Variants in TRAPPC3L observed in about 807,000 individuals in gnomAD.
TRAPPC3L encodes trafficking protein particle complex subunit 3L, also known as trafficking protein particle complex subunit 3-like protein.
A neutral mutation model predicts 23.7 loss-of-function variants in TRAPPC3L; 23 were observed. The observed-to-expected ratio is 0.97, with a 90% CI of 0.70 to 1.37. The LOEUF is 1.37. TRAPPC3L is among the 40% of genes most tolerant of loss of function. TRAPPC3L has a pLI of 0.00. For missense variants in TRAPPC3L, 212 were observed against 216.8 expected (o/e 0.98, Z 0.14); for synonymous variants, 81 against 77.9 (o/e 1.04, Z -0.21).
intron 3 of TRAPPC3L, chr6:116,523,906 G>A (rs896944214): frequency 6.6e-6 from 1 of 152,144 alleles, no homozygotes; most frequent in African/African-American, 2.4e-5. Context: ...GAATAAAGGA[G>A]ATATAAGTGA....
intron 2 of TRAPPC3L, among the ~76,000 whole-genome samples, chr6:116,542,627 A>G (rs1334893148): frequency 6.6e-6 from 1 of 152,130 alleles, no homozygotes; most frequent in African/African-American, 2.4e-5. Context: ...TGATGATCAC[A>G]TAGTTACTCA....
chr6:116,541,813 G>A (rs151175561), intron 2 of TRAPPC3L, among the ~76,000 whole-genome samples: 1 of 152,044 alleles, frequency 6.6e-6, no homozygotes, highest in African/African-American at 2.4e-5. Flanking sequence ...GTTATGAGCT[G>A]TGCTATATCT....
intron 1 of TRAPPC3L, among the ~76,000 whole-genome samples, chr6:116,544,878 A>G (rs1245286629): frequency 6.6e-6 from 1 of 152,100 alleles, no homozygotes; most frequent in African/African-American, 2.4e-5. Flanking sequence ...GAGTTTTTGT[A>G]TCTGTAGTAT....
intron 3 of TRAPPC3L, among the ~76,000 whole-genome samples, chr6:116,502,900 G>A (rs932280103): frequency 1.3e-5 from 2 of 152,120 alleles, no homozygotes; most frequent in African/African-American, 2.4e-5. Flanking sequence ...AGGAACAACC[G>A]ATACCAGCCA....
chr6:116,496,799 A>G lies in TRAPPC3L; in HGVS notation c.*155T>C. 2.8e-6 allele frequency: 3 copies of G among 1,076,502 alleles called. No individual in the cohort carries two copies. Among genetic ancestry groups the G allele is most frequent in the Non-Finnish European group, 3.7e-6 (3 of 801,950 alleles). The allele number at this position is 1,076,502 out of a possible 1,614,324, so 66.7% of individuals were successfully genotyped here. On this transcript the variant is annotated 3_prime_UTR_variant, in exon 5 of 5. Coordinates refer to ENST00000368602, the MANE Select transcript of TRAPPC3L (RefSeq NM_001139444.3). ...GATTTATAAGCAAAAGGAAAAAAAA[A>G]CCTTTAAGCCTTCATGCCCTGCATT...
intron 3 of TRAPPC3L, chr6:116,511,669 C>T (rs1459619396): frequency 6.3e-7 from 1 of 1,598,528 alleles, no homozygotes; most frequent in Non-Finnish European, 8.5e-7. Flanking sequence ...AACAAAGGCA[C>T]AGCATTTTCC....
chr6:116,522,431 G>A (rs909821846), intron 3 of TRAPPC3L: 1 of 152,112 alleles, frequency 6.6e-6, no homozygotes, highest in Admixed American at 6.6e-5. Flanking sequence ...AAAATTACAG[G>A]CAAATTGTAT....
At chr6:116,516,117 A>G (rs1772220266) in intron 3 of TRAPPC3L, 3 of 1,255,694 alleles carry the variant, frequency 2.4e-6, no homozygotes, top group Non-Finnish European at 3.2e-6. Context: ...AGACAATAAC[A>G]CAAAGGAAAC....
At chr6:116,540,233 CA>C (rs1260144217) in intron 3 of TRAPPC3L, 129 bp downstream of exon 3, 5 of 830,338 alleles carry the variant, frequency 6.0e-6, no homozygotes, top group Non-Finnish European at 3.7e-6. Flanking sequence ...GCTTTTCAAT[CA>C]GAATCTCCTT....
At chr6:116,503,786 G>A (rs1465507775) in intron 3 of TRAPPC3L, among the ~76,000 whole-genome samples, 4 of 152,080 alleles carry the variant, frequency 2.6e-5, no homozygotes, top group Admixed American at 1.3e-4. Flanking sequence ...TGTAAATAAC[G>A]AAATGAAGGC....
intron 3 of TRAPPC3L, among the ~76,000 whole-genome samples, chr6:116,514,895 T>C (rs1772192196): frequency 6.6e-6 from 1 of 152,228 alleles, no homozygotes; most frequent in African/African-American, 2.4e-5. Context: ...TTAATTTCAA[T>C]TGTGAAAACA....
rs1771842690 is a variant in TRAPPC3L at position 116,497,005 on chromosome 6, T to A, written c.495A>T (p.Gly165=). 5.8e-6 allele frequency: 9 copies of A among 1,548,104 alleles called. No individual in the cohort carries two copies. The highest frequency in any genetic ancestry group is 7.9e-6 in the Non-Finnish European group (9 of 1,146,196). Residue 165 remains glycine (G), a synonymous_variant, in exon 5 of 5, where the codon GGA becomes GGT. Coordinates refer to ENST00000368602, the MANE Select transcript of TRAPPC3L (RefSeq NM_001139444.3). ...RLKGDSVTEI[G]ITFLKKRDEK... ...CGTCTCGCTTTTTTAGAAATGTTAT[T>A]CCTATTTCTGTCACACTGTCACCTT... is the stretch of plus-strand genomic sequence containing the variant.
At chr6:116,508,423 T>C (rs1772044730) in intron 3 of TRAPPC3L, among the ~76,000 whole-genome samples, 1 of 152,168 alleles carries the variant, frequency 6.6e-6, no homozygotes, top group Non-Finnish European at 1.5e-5. Flanking sequence ...TTGTGAGCAG[T>C]TGTGAGCCCC....
chr6:116,526,171 T>G (rs747975027), intron 3 of TRAPPC3L, among the ~76,000 whole-genome samples: 3 of 152,238 alleles, frequency 2.0e-5, no homozygotes, highest in Non-Finnish European at 2.9e-5. Context: ...TAGACAAGTT[T>G]GTTGTCCCAA....
chr6:116,520,561 A>G (rs959817502), intron 3 of TRAPPC3L: 1 of 152,158 alleles, frequency 6.6e-6, no homozygotes, highest in Non-Finnish European at 1.5e-5. Context: ...GCAAATTGGA[A>G]TCACCTGGGG....
intron 3 of TRAPPC3L, chr6:116,523,477 T>C (rs531815011): frequency 6.6e-6 from 1 of 152,354 alleles, no homozygotes; most frequent in South Asian, 2.1e-4. Context: ...CTAATTCTTT[T>C]ATTGTTTGTA....
intron 3 of TRAPPC3L, among the ~76,000 whole-genome samples, chr6:116,540,086 C>G (rs1415403031): frequency 6.6e-6 from 1 of 152,184 alleles, no homozygotes; most frequent in Non-Finnish European, 1.5e-5. Context: ...ATTACACTCC[C>G]CTTCTGTTTA....
chr6:116,544,151 A>T (rs1366584477), intron 1 of TRAPPC3L, among the ~76,000 whole-genome samples: 1 of 132,918 alleles, frequency 7.5e-6, no homozygotes, highest in African/African-American at 2.7e-5. Context: ...AAAGGTGAAG[A>T]AGAGAGAGAG....
At chr6:116,524,879 C>T (rs938584623) in intron 3 of TRAPPC3L, 4 of 152,046 alleles carry the variant, frequency 2.6e-5, no homozygotes, top group African/African-American at 9.7e-5. Flanking sequence ...ATTGGAATTT[C>T]ATTAATTTAA....
Sources: gnomAD v4.1 joint callset for allele counts (sites outside exome capture counted in the v4.1 genomes callset) on GRCh38, gnomAD v4.1.1 for gene constraint, MANE v1.5 for transcripts, NCBI Gene and HGNC (gene_info 2026-07-23, HGNC 2026-07-21) for gene names.